The following SNN variants were observed in gnomAD, a reference collection of about 807,000 sequenced individuals.
The protein encoded by SNN is AG8_1.
Under a neutral mutation model 5.3 loss-of-function variants are expected in SNN, and 5 were observed. The ratio of observed to expected loss-of-function variants is 0.94; its 90% CI spans 0.49 to 1.97. SNN has a LOEUF of 1.97. Ranked by LOEUF, SNN falls within the 30% of genes most tolerant of loss-of-function variation. The probability of loss-of-function intolerance (pLI) is 0.01; values close to 1 mark genes in which losing one functional copy is unlikely to be tolerated. For synonymous variants in SNN, 67 were observed against 52.1 expected (o/e 1.29, Z -1.24); for missense variants, 127 against 121.6 (o/e 1.04, Z -0.21).
In SNN at chr16:11,676,619, G is replaced by T; in HGVS notation, c.*293G>T. Reference sequence around the variant, plus strand: ...TGTCTAGCTGAGCCTGTTTTTGATGGAGCTACTACTGTAATGCGTGAACTA... The same window carrying T: ...TGTCTAGCTGAGCCTGTTTTTGATGTAGCTACTACTGTAATGCGTGAACTA... On this transcript the variant is annotated 3_prime_UTR_variant, in exon 2 of 2. Coordinates refer to ENST00000329565, the MANE Select transcript of SNN (RefSeq NM_003498.6). 2.3e-6 allele frequency: 1 copy of T among 441,740 alleles called. No individual in the cohort carries two copies. Among genetic ancestry groups the T allele is most frequent in the African/African-American group, 1.9e-5 (1 of 51,406 alleles). The allele number at this position is 441,740 out of a possible 1,614,324, so 27.4% of individuals were successfully genotyped here. A position where few individuals can be genotyped will look rare whatever the true frequency, so the allele number is the denominator to read the frequency against.
intron 1 of SNN, 145 bp from the exon 2 acceptor site, chr16:11,675,830 G>A (rs1354026012): frequency 2.0e-6 from 1 of 497,344 alleles, no homozygotes. Flanking sequence ...CAGGAGCTGG[G>A]TGAGCGTGGG....
chr16:11,669,848 G>A (rs948942314), intron 1 of SNN, among the ~76,000 whole-genome samples: 1 of 152,180 alleles, frequency 6.6e-6, no homozygotes, highest in Non-Finnish European at 1.5e-5. Context: ...TTTGCCACTG[G>A]GGAACCTAGG....
rs1036117780 is a variant in SNN, at chr16:11,672,988, T to A, written c.-85-2987T>A. On this transcript the variant is annotated intron_variant, in intron 1 of 1. Coordinates refer to ENST00000329565, the MANE Select transcript of SNN (RefSeq NM_003498.6). The surrounding 1 kb of genome is among the most constrained non-coding windows in gnomAD (Gnocchi z 6.0). ...CACCCCCACCCCCAAACACACACACTTCCCCTTCCGAATTGATACTGACTT... is the reference window on the plus strand; with the variant it reads ...CACCCCCACCCCCAAACACACACACATCCCCTTCCGAATTGATACTGACTT... Among the ~76,000 whole-genome samples the A allele has an allele frequency of 5.3e-5, 8 of 152,054 alleles. No individual in the cohort carries two copies. The highest frequency in any genetic ancestry group is 1.9e-4 in the African/African-American group (8 of 41,404).
chr16:11,676,311 G>C lies in SNN; in HGVS notation c.252G>C (p.Pro84=). The C allele has an allele frequency of 6.2e-7, 1 of 1,613,248 alleles. No individual in the cohort carries two copies. The highest frequency in any genetic ancestry group is 1.1e-5 in the South Asian group (1 of 91,072). ...RKAKLMTPNG[P]EVHG ...CCAAGCTGATGACTCCCAACGGCCC[G>C]GAAGTCCACGGCTGAGCCAGGATGC... Residue 84 remains proline (P), a synonymous_variant, in exon 2 of 2, where the codon CCG becomes CCC. Transcript: ENST00000329565.
At chr16:11,669,414 G>A (rs2050251956) in intron 1 of SNN, among the ~76,000 whole-genome samples, 1 of 152,250 alleles carries the variant, frequency 6.6e-6, no homozygotes, top group Non-Finnish European at 1.5e-5. Context: ...GGAGAATGTG[G>A]CATTTTAGAG....
Position 11,679,110 on chromosome 16 carries a change from T to C in SNN, c.*2784T>C, listed in dbSNP as rs2050337109. On this transcript the variant is annotated 3_prime_UTR_variant, in exon 2 of 2. Transcript: ENST00000329565. This position sits in a 1 kb window ranked among gnomAD's most constrained non-coding sequence, Gnocchi z 4.6. Reference sequence around the variant, plus strand: ...TTCTAGACCACTGAGAAAATCTTTATTTACAATAAATTTCAATAAAATTTG... The same window carrying C: ...TTCTAGACCACTGAGAAAATCTTTACTTACAATAAATTTCAATAAAATTTG... 2 of 1,405,658 alleles carry C rather than the reference T, an allele frequency of 1.4e-6. No homozygotes were observed. Among genetic ancestry groups the C allele is most frequent in the African/African-American group, 2.9e-5 (2 of 68,522 alleles). 87.1% of individuals were successfully genotyped at this position (1,405,658 alleles called of 1,614,324 possible).
At chr16:11,675,708 C>T (rs906592020) in intron 1 of SNN, among the ~76,000 whole-genome samples, 6 of 152,232 alleles carry the variant, frequency 3.9e-5, no homozygotes, top group Non-Finnish European at 8.8e-5. Context: ...ATGTCTGGCC[C>T]TCTGGCATCC....
rs1272474827 is a variant in SNN at position 11,676,180 on chromosome 16, A to G, written c.121A>G (p.Ile41Val). 3.1e-6 allele frequency: 5 copies of G among 1,614,214 alleles called. No homozygotes were observed. The South Asian group carries it at 3.3e-5, about 11-fold the overall frequency. ...CTGGTGCTACCTGCGGCTGCAGCGC[A>G]TCAGCCAGTCAGAGGACGAGGAGAG... ...GCWCYLRLQR[I>V]SQSEDEESIV... The change falls in exon 2 of 2, where the codon ATC becomes GTC. Residue 41 changes from isoleucine to valine, a missense_variant. Ile to Val is a conservative substitution (Grantham distance 29, BLOSUM62 3). Transcript: ENST00000329565.
chr16:11,671,870 C>G lies in SNN; in HGVS notation c.-86+3330C>G, dbSNP rs1485547989. 6.6e-6 allele frequency among the ~76,000 whole-genome samples: 1 copy of G among 152,184 alleles called. No homozygotes were observed. The highest frequency in any genetic ancestry group is 1.5e-5 in the Non-Finnish European group (1 of 68,026). ...AGTTTCCCGGGGCTCTGCTTGGCCA[C>G]CCCCTTCCCTCCCTGCCTGCCAGCA... On this transcript the variant is annotated intron_variant, in intron 1 of 1. Transcript: ENST00000329565. The surrounding 1 kb of genome is among the most constrained non-coding windows in gnomAD (Gnocchi z 4.7).
Position 11,675,151 on chromosome 16 carries a change from C to T in SNN, c.-85-824C>T, listed in dbSNP as rs557077061. Among the ~76,000 whole-genome samples the T allele has an allele frequency of 2.6e-3, 389 of 152,204 alleles. 1 individual carries two copies. Among genetic ancestry groups the T allele is most frequent in the African/African-American group, 8.9e-3 (370 of 41,514 alleles). ...AGTGCCTGGTGACAAAGGCTGTTGT[C>T]CAGTACACCCTCTCACAGGTGTCCC... is the stretch of plus-strand genomic sequence containing the variant. On this transcript the variant is annotated intron_variant, in intron 1 of 1. Transcript: ENST00000329565.
Position 11,676,284 on chromosome 16 carries a change from G to A in SNN, c.225G>A (p.Lys75=). The part of the protein sequence containing the change: ...YSAKGPCVER[K]AKLMTPNGPE... The stretch of plus-strand genomic sequence containing the variant: ...CCAAGGGACCGTGCGTGGAGAGAAA[G>A]GCCAAGCTGATGACTCCCAACGGCC... The change falls in exon 2 of 2, where the codon AAG becomes AAA. Residue 75 remains lysine (K), a synonymous_variant. Coordinates refer to ENST00000329565, the MANE Select transcript of SNN (RefSeq NM_003498.6). 2 of 1,614,198 alleles carry A rather than the reference G, an allele frequency of 1.2e-6. No homozygotes were observed. The highest frequency in any genetic ancestry group is 2.2e-5 in the East Asian group (1 of 44,886).
chr16:11,670,219 T>TG (rs145789425), intron 1 of SNN, among the ~76,000 whole-genome samples: 3,779 of 150,816 alleles, frequency 0.025, 110 homozygotes, highest in South Asian at 0.082. Flanking sequence ...GGTGGCTTTA[T>TG]GGGGGGAGGC....
At chr16:11,670,473 G>C (rs8191279) in intron 1 of SNN, among the ~76,000 whole-genome samples, 54,322 of 152,150 alleles carry the variant, frequency 0.36, 11,743 homozygotes, top group Non-Finnish European at 0.49. Context: ...GGTGGGCTTG[G>C]GGATCCCTCG....
chr16:11,676,578 G>A lies in SNN; in HGVS notation c.*252G>A, dbSNP rs532608630. 3.5e-4 allele frequency: 181 copies of A among 518,118 alleles called. No homozygotes were observed. The highest frequency in any genetic ancestry group is 2.9e-3 in the African/African-American group (152 of 52,876). 32.1% of individuals were successfully genotyped at this position (518,118 alleles called of 1,614,324 possible). A position where few individuals can be genotyped will look rare whatever the true frequency, so the allele number is the denominator to read the frequency against. On this transcript the variant is annotated 3_prime_UTR_variant, in exon 2 of 2. Coordinates refer to ENST00000329565, the MANE Select transcript of SNN (RefSeq NM_003498.6). ...TTGCTGGGGCTCATGGCCCTGTAGC[G>A]CTTTTGTTACTTGAATGTCTAGCTG...
rs900229371 is a variant in SNN at position 11,672,292 on chromosome 16, C to T, written c.-85-3683C>T. 6.6e-6 allele frequency among the ~76,000 whole-genome samples: 1 copy of T among 152,082 alleles called. No individual in the cohort carries two copies. ...CAGCAGCCAGGGGACAGCCCCTGAG[C>T]CTAGAGAAGGGCAGGTAGCAAGGAG... On this transcript the variant is annotated intron_variant, in intron 1 of 1. Coordinates refer to ENST00000329565, the MANE Select transcript of SNN (RefSeq NM_003498.6). The surrounding 1 kb of genome is among the most constrained non-coding windows in gnomAD (Gnocchi z 6.0).
rs2050269251 is a variant in SNN at position 11,672,064 on chromosome 16, CTGAG to C, written c.-86+3527_-86+3530del. On this transcript the variant is annotated intron_variant, in intron 1 of 1. Transcript: ENST00000329565. This position sits in a 1 kb window ranked among gnomAD's most constrained non-coding sequence, Gnocchi z 6.0. ...CTGTGCTCAGGGTTCTGGGAGTGCCCTGAGTGTCAGGGACCCCCCCACCTATGAT... is the reference window on the plus strand; with the variant it reads ...CTGTGCTCAGGGTTCTGGGAGTGCCCTGTCAGGGACCCCCCCACCTATGAT... Among the ~76,000 whole-genome samples, 1 of 149,236 alleles carries C rather than the reference CTGAG, an allele frequency of 6.7e-6. No homozygotes were observed.
chr16:11,676,315 G>C lies in SNN; in HGVS notation c.256G>C (p.Val86Leu). The C allele has an allele frequency of 6.2e-7, 1 of 1,612,320 alleles. No individual in the cohort carries two copies. The highest frequency in any genetic ancestry group is 8.5e-7 in the Non-Finnish European group (1 of 1,178,484). The change falls in exon 2 of 2, where the codon GTC becomes CTC. Residue 86 changes from valine to leucine, a missense_variant. Val to Leu is a conservative substitution (Grantham distance 32). Transcript: ENST00000329565. ...AKLMTPNGPE[V>L]HG ...GCTGATGACTCCCAACGGCCCGGAA[G>C]TCCACGGCTGAGCCAGGATGCAAGG...
In SNN at chr16:11,668,667, G is replaced by T. The variant is rs1192243342; in HGVS notation, c.-86+127G>T. On this transcript the variant is annotated intron_variant, in intron 1 of 1. Coordinates refer to ENST00000329565, the MANE Select transcript of SNN (RefSeq NM_003498.6). This position sits in a 1 kb window ranked among gnomAD's most constrained non-coding sequence, Gnocchi z 6.8. Reference sequence around the variant, plus strand: ...CGGGGCCGGGCCGGGGTCTGCGGGCGGGGGAGGGGCGGCCCGGCGGGCGCG... The same window carrying T: ...CGGGGCCGGGCCGGGGTCTGCGGGCTGGGGAGGGGCGGCCCGGCGGGCGCG... The T allele has an allele frequency of 1.4e-5, 2 of 146,860 alleles. No homozygotes were observed. Among genetic ancestry groups the T allele is most frequent in the Admixed American group, 1.3e-4 (2 of 14,818 alleles). The allele number at this position is 146,860 out of a possible 1,614,324, so 9.1% of individuals were successfully genotyped here.
At position 11,668,846 on chromosome 16, in the gene SNN, C is replaced by G. The variant is rs968630429; in HGVS notation, c.-86+306C>G. Among the ~76,000 whole-genome samples, 3 of 151,958 alleles carry G rather than the reference C, an allele frequency of 2.0e-5. No homozygotes were observed. Among genetic ancestry groups the G allele is most frequent in the Non-Finnish European group, 4.4e-5 (3 of 67,922 alleles). On this transcript the variant is annotated intron_variant, in intron 1 of 1. Coordinates refer to ENST00000329565, the MANE Select transcript of SNN (RefSeq NM_003498.6). This position sits in a 1 kb window ranked among gnomAD's most constrained non-coding sequence, Gnocchi z 6.8. ...TCGCCCCCGCCCGTGCAGCCCCCGC[C>G]CGTCCTCAGCTACGCTCCCGCCTTC...
Sources: allele counts gnomAD v4.1 joint callset (sites outside exome capture counted in the v4.1 genomes callset), GRCh38; gene constraint gnomAD v4.1.1; non-coding constraint Gnocchi (gnomAD v3.1); transcripts MANE v1.5; gene names NCBI Gene and HGNC (gene_info 2026-07-23, HGNC 2026-07-21).